The following ZCCHC14 variants were observed in gnomAD, a reference collection of about 807,000 sequenced individuals.
The protein encoded by ZCCHC14 is zinc finger CCHC-type containing 14.
In ZCCHC14, 16 loss-of-function variants were observed where a neutral mutation model predicts 85.0. The observed-to-expected ratio is 0.19, with a 90% CI of 0.13 to 0.29. ZCCHC14 has a LOEUF of 0.29. Ranked by LOEUF, ZCCHC14 falls within the 10% of genes least tolerant of loss-of-function variation. The pLI is 1.00. For missense variants in ZCCHC14, 1,303 were observed against 1,443.5 expected (o/e 0.90, Z 1.58); for synonymous variants, 775 against 630.7 (o/e 1.23, Z -3.43).
chr16:87,418,342 C>A lies in ZCCHC14; in HGVS notation c.1100+505G>T, dbSNP rs143743625. The stretch of plus-strand genomic sequence containing the variant: ...CCTGCTGACTGGGCGCTTACCCTAC[C>A]CCGACACCAGGAGGATGCCAGTCTA... On this transcript the variant is annotated intron_variant, in intron 7 of 12. Transcript: ENST00000671377. Among the ~76,000 whole-genome samples, 690 of 152,318 alleles carry A rather than the reference C, an allele frequency of 4.5e-3. 4 individuals carry two copies. Among genetic ancestry groups the A allele is most frequent in the African/African-American group, 0.015 (633 of 41,554 alleles).
chr16:87,484,883 G>A (rs1912443056), intron 1 of ZCCHC14, among the ~76,000 whole-genome samples: 1 of 152,198 alleles, frequency 6.6e-6, no homozygotes, highest in African/African-American at 2.4e-5. Flanking sequence ...TGGATTGAAG[G>A]AGGGAGATAG....
chr16:87,436,553 T>A (rs1333061627), intron 2 of ZCCHC14, among the ~76,000 whole-genome samples: 1 of 152,206 alleles, frequency 6.6e-6, no homozygotes, highest in Non-Finnish European at 1.5e-5. Context: ...CATTAGACGC[T>A]GTGATTCGAA....
chr16:87,465,835 A>G (rs1911494637), intron 1 of ZCCHC14, among the ~76,000 whole-genome samples: 1 of 150,826 alleles, frequency 6.6e-6, no homozygotes, highest in Non-Finnish European at 1.5e-5. Flanking sequence ...TTTTTTTATT[A>G]AAAAAAAATA....
chr16:87,470,320 ACCC>A (rs1000702230), intron 1 of ZCCHC14: 2 of 151,406 alleles, frequency 1.3e-5, no homozygotes, highest in African/African-American at 4.9e-5. Context: ...ACAGCACGAC[ACCC>A]CAACTCAAAT....
Position 87,424,540 on chromosome 16 carries a change from C to T in ZCCHC14, c.769-659G>A, listed in dbSNP as rs552786072. Among the ~76,000 whole-genome samples the T allele has an allele frequency of 4.4e-3, 665 of 152,280 alleles. 2 individuals carry two copies. Among genetic ancestry groups the T allele is most frequent in the African/African-American group, 0.015 (619 of 41,542 alleles). ...TTCCTTCCCAGCATGCAGCAGCGGG[C>T]GGTGTCACTGCATGGCTCCACGGAG... On this transcript the variant is annotated intron_variant, in intron 3 of 12. Transcript: ENST00000671377.
chr16:87,436,480 G>A (rs914611080), intron 2 of ZCCHC14, among the ~76,000 whole-genome samples: 2 of 152,262 alleles, frequency 1.3e-5, no homozygotes, highest in Non-Finnish European at 2.9e-5. Context: ...GCTAGTGCGG[G>A]GGCTGGGTGA....
At chr16:87,442,486 A>C (rs1188028165) in intron 2 of ZCCHC14, among the ~76,000 whole-genome samples, 1 of 152,240 alleles carries the variant, frequency 6.6e-6, no homozygotes, top group Non-Finnish European at 1.5e-5. Flanking sequence ...CAATGCCCCA[A>C]CAGGGAGGGG....
Position 87,411,990 on chromosome 16 carries a change from C to G in ZCCHC14, c.2731G>C (p.Ala911Pro), listed in dbSNP as rs767666311. 6.2e-7 allele frequency: 1 copy of G among 1,608,462 alleles called. No homozygotes were observed. The highest frequency in any genetic ancestry group is 1.7e-5 in the Admixed American group (1 of 59,886). ...GGGGGTGGGGCGGGCTGCGGGGGTGCCGGGGGCTGCTGATGGTGGTGGTGG... is the reference window on the plus strand; with the variant it reads ...GGGGGTGGGGCGGGCTGCGGGGGTGGCGGGGGCTGCTGATGGTGGTGGTGG... ...HHHHHHQQPPAPPQPAPPPPG... is the reference protein window; with the variant it reads ...HHHHHHQQPPPPPQPAPPPPG... Residue 911 changes from alanine (A) to proline (P), a missense_variant, in exon 12 of 13, where the codon GCA (alanine) becomes CCA (proline). By Grantham distance (27) the Ala-to-Pro change is conservative. Coordinates refer to ENST00000671377, the MANE Select transcript of ZCCHC14 (RefSeq NM_015144.3).
intron 1 of ZCCHC14, among the ~76,000 whole-genome samples, chr16:87,477,142 C>CAAAAAAAAAAAAAAAAAAAAAAAAAAAA (rs1567542354): frequency 1.3e-5 from 1 of 78,606 alleles, no homozygotes. Flanking sequence ...AAAAAAAAAA[C>CAAAAAAAAAAAAAAAAAAAAAAAAAAAA]AAAACAAAAC....
intron 7 of ZCCHC14, 73 bp from the exon 8 acceptor site, chr16:87,417,815 C>T (rs1189161267): frequency 4.1e-6 from 6 of 1,457,138 alleles, no homozygotes; most frequent in African/African-American, 2.8e-5. Context: ...ACAGACCTCA[C>T]TTCCAGGCCT....
rs973872807 is a variant in ZCCHC14 at position 87,491,970 on chromosome 16, G to A, written c.269C>T (p.Ser90Leu). ...DEVVRSKLLV[S>L]LALLGSEQRE... ...CTGCTCCGAGCCCAGCAGCGCCAGC[G>A]ACACCAGCAGCTTGCTGCGCACCAC... is the stretch of plus-strand genomic sequence containing the variant. Residue 90 changes from serine to leucine, a missense_variant, in exon 1 of 13, where the codon TCG becomes TTG. By Grantham distance (145) the Ser-to-Leu change is moderately radical. Coordinates refer to ENST00000671377, the MANE Select transcript of ZCCHC14 (RefSeq NM_015144.3). This position sits in a 1 kb window ranked among gnomAD's most constrained non-coding sequence, Gnocchi z 5.9. The A allele has an allele frequency of 7.1e-7, 1 of 1,410,938 alleles. No individual in the cohort carries two copies. 87.4% of individuals were successfully genotyped at this position (1,410,938 alleles called of 1,614,324 possible). A position where few individuals can be genotyped will look rare whatever the true frequency, so the allele number is the denominator to read the frequency against.
intron 1 of ZCCHC14, among the ~76,000 whole-genome samples, chr16:87,484,475 C>A (rs1394499986): frequency 6.6e-6 from 1 of 152,238 alleles, no homozygotes; most frequent in Non-Finnish European, 1.5e-5. Context: ...CTAGAGACAG[C>A]AGGAGTGACT....
chr16:87,435,712 C>T (rs761168549), intron 2 of ZCCHC14, among the ~76,000 whole-genome samples: 8 of 152,256 alleles, frequency 5.3e-5, no homozygotes, highest in Non-Finnish European at 8.8e-5. Context: ...CAGGGAACCT[C>T]GTGCATCTCA....
intron 2 of ZCCHC14, among the ~76,000 whole-genome samples, chr16:87,459,779 G>A (rs1347985123): frequency 6.6e-6 from 1 of 152,160 alleles, no homozygotes; most frequent in Non-Finnish European, 1.5e-5. Context: ...AAAGTGCTGG[G>A]ATTACAGGTG....
chr16:87,446,148 C>G (rs954733780), intron 2 of ZCCHC14, among the ~76,000 whole-genome samples: 2 of 105,766 alleles, frequency 1.9e-5, no homozygotes, highest in African/African-American at 7.4e-5. Flanking sequence ...ACCTGGGCAA[C>G]AAGAGCAAAA....
intron 2 of ZCCHC14, among the ~76,000 whole-genome samples, chr16:87,450,660 T>A (rs1299851395): frequency 4.7e-5 from 7 of 149,354 alleles, no homozygotes; most frequent in Non-Finnish European, 1.0e-4. Flanking sequence ...AACCTCCACC[T>A]GCCAGGTTCA....
intron 2 of ZCCHC14, among the ~76,000 whole-genome samples, chr16:87,436,578 A>G (rs1240135015): frequency 1.3e-5 from 2 of 152,238 alleles, no homozygotes; most frequent in East Asian, 3.9e-4. Flanking sequence ...CACAACAAGA[A>G]AAAAGGCTGA....
At position 87,412,385 on chromosome 16, in the gene ZCCHC14, G is replaced by C; in HGVS notation, c.2336C>G (p.Ser779Trp). 6.2e-7 allele frequency: 1 copy of C among 1,614,188 alleles called. No individual in the cohort carries two copies. The highest frequency in any genetic ancestry group is 8.5e-7 in the Non-Finnish European group (1 of 1,180,042). ...GGCAGAATCAGCAGGAACAGATGAC[G>C]ACAGCAGCAGTTTGATGGGCGGACG... is the stretch of plus-strand genomic sequence containing the variant. ...AARPPIKLLL[S>W]SSVPADSAIS... The change falls in exon 12 of 13, where the codon TCG becomes TGG. Residue 779 changes from serine to tryptophan, a missense_variant. Around this residue, in one of 7 missense-constraint regions of ZCCHC14, gnomAD observed 797 missense variants for 730.8 expected, o/e 1.09. Transcript: ENST00000671377.
At chr16:87,477,153 C>CAAAAAAAAAAAAAAAAAAAAAAAAA (rs1412376609) in intron 1 of ZCCHC14, among the ~76,000 whole-genome samples, 4 of 116,204 alleles carry the variant, frequency 3.4e-5, no homozygotes, top group African/African-American at 1.3e-4. Context: ...AAAACAAAAC[C>CAAAAAAAAAAAAAAAAAAAAAAAAA]AAAAAAAAAT....
Sources: allele counts gnomAD v4.1 joint callset (sites outside exome capture counted in the v4.1 genomes callset), GRCh38; gene constraint gnomAD v4.1.1; regional missense constraint gnomAD v4.1.1; non-coding constraint Gnocchi (gnomAD v3.1); transcripts MANE v1.5; gene names NCBI Gene and HGNC (gene_info 2026-07-23, HGNC 2026-07-21).